ZNF813: variants seen among roughly 807,000 people sequenced by gnomAD.
ZNF813 encodes the protein zinc finger protein 813.
Under a neutral mutation model 7.2 loss-of-function variants are expected in ZNF813, and 3 were observed. The ratio of observed to expected loss-of-function variants is 0.42; its 90% confidence interval spans 0.19 to 1.08. The LOEUF (loss-of-function observed/expected upper bound fraction) is 1.08. Ranked by LOEUF, ZNF813 falls within the 50% of genes least tolerant of loss-of-function variation. The pLI, the probability that ZNF813 is intolerant of heterozygous loss-of-function variation, is 0.30. For missense variants in ZNF813, 714 were observed against 753.3 expected (o/e 0.95, Z 0.61); for synonymous variants, 227 against 256.3 (o/e 0.89, Z 1.09).
intron 1 of ZNF813, among the ~76,000 whole-genome samples, chr19:53,472,765 A>AC (rs1250241708): frequency 5.9e-5 from 9 of 151,986 alleles, no homozygotes; most frequent in Non-Finnish European, 1.2e-4. Flanking sequence ...GGCATGTACC[A>AC]CCATGCCTGG....
intron 2 of ZNF813, among the ~76,000 whole-genome samples, chr19:53,484,766 A>G (rs919436892): frequency 2.6e-5 from 4 of 152,302 alleles, no homozygotes; most frequent in African/African-American, 9.6e-5. Context: ...GGGTATCACC[A>G]TGTTGGCCAG....
rs747785625 is a variant in ZNF813, at chr19:53,486,625, A to G, written c.16-7A>G. 3.7e-5 allele frequency: 59 copies of G among 1,613,862 alleles called. No individual in the cohort carries two copies. The highest frequency in any genetic ancestry group is 6.7e-5 in the East Asian group (3 of 44,884). On this transcript the variant is annotated splice_polypyrimidine_tract_variant and splice_region_variant and intron_variant, in intron 2 of 3. Transcript: ENST00000396403. ...AACAATTTCCTTAAAATGTGTTTTC[A>G]TTTCAGGGTCTATTGACATTCAGGG...
chr19:53,485,404 A>G (rs531506457), intron 2 of ZNF813, among the ~76,000 whole-genome samples: 19 of 152,318 alleles, frequency 1.2e-4, no homozygotes, highest in Middle Eastern at 3.4e-3. Context: ...ACACACACAT[A>G]TACATCTCCA....
At chr19:53,468,480 C>CAT (rs1175490006) in intron 1 of ZNF813, among the ~76,000 whole-genome samples, 1 of 152,192 alleles carries the variant, frequency 6.6e-6, no homozygotes, top group African/African-American at 2.4e-5. Context: ...AGGACCGGCA[C>CAT]CAGTGCCAGC....
At chr19:53,477,303 A>T (rs777794561) in intron 1 of ZNF813, among the ~76,000 whole-genome samples, 11 of 152,154 alleles carry the variant, frequency 7.2e-5, no homozygotes, top group Non-Finnish European at 2.9e-5. Context: ...TTATGTTTAT[A>T]GAGCCTTTCT....
rs2086420665 is a variant in ZNF813, at chr19:53,483,821, G to T, written c.-2G>T. The T allele has an allele frequency of 6.2e-7, 1 of 1,613,712 alleles. No individual in the cohort carries two copies. The highest frequency in any genetic ancestry group is 8.5e-7 in the Non-Finnish European group (1 of 1,180,020). On this transcript the variant is annotated 5_prime_UTR_variant, in exon 2 of 4. Coordinates refer to ENST00000396403, the MANE Select transcript of ZNF813 (RefSeq NM_001004301.4). ...AGGAAGAGGAAAGCAAAGGAGTCAGGGATGGCTCTTCCTCAGGTGAGATGA... is the reference window on the plus strand; with the variant it reads ...AGGAAGAGGAAAGCAAAGGAGTCAGTGATGGCTCTTCCTCAGGTGAGATGA...
At chr19:53,483,421 CAA>C (rs560690384) in intron 1 of ZNF813, among the ~76,000 whole-genome samples, 144 of 152,154 alleles carry the variant, frequency 9.5e-4, no homozygotes, top group African/African-American at 3.4e-3. Flanking sequence ...AACCTGAGCT[CAA>C]GAGATCTACG....
At position 53,483,889 on chromosome 19, in the gene ZNF813, TG is replaced by T; in HGVS notation, c.15+55del. The T allele has an allele frequency of 4.3e-6, 7 of 1,613,818 alleles. 1 individual carries two copies. In the South Asian group the frequency reaches 5.5e-5, roughly 13 times the overall value. ...TCTGTCTCCTTCCCCTCAGAAATGC[TG>T]GGCCTTGGAGTTGGGAATCTTCTCT... is the stretch of plus-strand genomic sequence containing the variant. On this transcript the variant is annotated intron_variant, in intron 2 of 3. Transcript: ENST00000396403.
intron 1 of ZNF813, among the ~76,000 whole-genome samples, chr19:53,470,487 T>A (rs2086353537): frequency 7.4e-6 from 1 of 134,904 alleles, no homozygotes; most frequent in Non-Finnish European, 1.6e-5. Context: ...AGGCACAGGC[T>A]GATATTTATA....
At position 53,491,162 on chromosome 19, in the gene ZNF813, C is replaced by T. The variant is rs2086459085; in HGVS notation, c.930C>T (p.Phe310=). ...AAGAATGTGACAAAGCTTTCAGTTT[C>T]AAATCAAACCTTAAAAGACATAGGA... The part of the protein sequence containing the change: ...KCEECDKAFS[F]KSNLKRHRRI... The change falls in exon 4 of 4, where the codon TTC becomes TTT. Residue 310 remains phenylalanine, a synonymous_variant. Coordinates refer to ENST00000396403, the MANE Select transcript of ZNF813 (RefSeq NM_001004301.4). 1 of 1,612,132 alleles carries T rather than the reference C, an allele frequency of 6.2e-7. No homozygotes were observed. The highest frequency in any genetic ancestry group is 8.5e-7 in the Non-Finnish European group (1 of 1,179,576).
chr19:53,469,441 C>T (rs1371624326), intron 1 of ZNF813, among the ~76,000 whole-genome samples: 1 of 151,980 alleles, frequency 6.6e-6, no homozygotes, highest in African/African-American at 2.4e-5. Flanking sequence ...CTAAAGGGAT[C>T]AGGAGACACA....
intron 3 of ZNF813, among the ~76,000 whole-genome samples, chr19:53,487,178 G>C (rs2147161726): frequency 6.6e-6 from 1 of 152,074 alleles, no homozygotes; most frequent in South Asian, 2.1e-4. Flanking sequence ...TGAGTCTTCT[G>C]TAGAAAACAT....
rs2086461609 is a variant in ZNF813, at chr19:53,491,458, A to T, written c.1226A>T (p.Lys409Met). The change falls in exon 4 of 4, where the codon AAG becomes ATG. Residue 409 changes from lysine (K) to methionine (M), a missense_variant. This residue lies in a region of ZNF813 where 563 missense variants were observed against 554.2 expected (regional missense o/e 1.02). Transcript: ENST00000396403. The stretch of plus-strand genomic sequence containing the variant: ...CATCGTAGACTTCATACCGGAGAGA[A>T]GCCTTACAAGTGTAATGAATGTGGC... Reference protein sequence around the residue: ...KCHRRLHTGEKPYKCNECGKV... With the variant: ...KCHRRLHTGEMPYKCNECGKV... 6.2e-7 allele frequency: 1 copy of T among 1,614,038 alleles called. No individual in the cohort carries two copies. Among genetic ancestry groups the T allele is most frequent in the Admixed American group, 1.7e-5 (1 of 60,004 alleles).
Position 53,496,177 on chromosome 19 carries a change from A to G in ZNF813, c.*4091A>G, listed in dbSNP as rs1358987714. The G allele has an allele frequency of 1.1e-5, 2 of 182,286 alleles. No homozygotes were observed. The highest frequency in any genetic ancestry group is 2.4e-5 in the Non-Finnish European group (2 of 84,560). 11.3% of individuals were successfully genotyped at this position (182,286 alleles called of 1,614,324 possible). On this transcript the variant is annotated 3_prime_UTR_variant, in exon 4 of 4. Transcript: ENST00000396403. ...AATATGTTTTTTCTCTGAATCTGCT[A>G]TGAACACGTCAGTTGGGTGGGTTCA...
intron 1 of ZNF813, among the ~76,000 whole-genome samples, chr19:53,474,614 G>A (rs1175174097): frequency 1.3e-5 from 2 of 151,972 alleles, no homozygotes; most frequent in Admixed American, 6.6e-5. Flanking sequence ...ACTTGAACCC[G>A]GGAAGCAGAG....
At chr19:53,474,356 A>G (rs1187769741) in intron 1 of ZNF813, among the ~76,000 whole-genome samples, 2 of 152,204 alleles carry the variant, frequency 1.3e-5, no homozygotes, top group East Asian at 3.9e-4. Flanking sequence ...TTGTTTACAA[A>G]TGGCTCAAAT....
At position 53,494,959 on chromosome 19, in the gene ZNF813, G is replaced by T; in HGVS notation, c.*2873G>T. On this transcript the variant is annotated 3_prime_UTR_variant, in exon 4 of 4. Coordinates refer to ENST00000396403, the MANE Select transcript of ZNF813 (RefSeq NM_001004301.4). ...GGATAGCTCGAGCCTGGGAGGTTGA[G>T]GCTGCAGTGAGCTATGATCATGCCA... is the stretch of plus-strand genomic sequence containing the variant. 6.6e-6 allele frequency: 1 copy of T among 152,522 alleles called. No individual in the cohort carries two copies. The highest frequency in any genetic ancestry group is 2.1e-4 in the South Asian group (1 of 4,860). 9.4% of individuals were successfully genotyped at this position (152,522 alleles called of 1,614,324 possible).
At chr19:53,477,873 C>G (rs544208469) in intron 1 of ZNF813, among the ~76,000 whole-genome samples, 1 of 152,100 alleles carries the variant, frequency 6.6e-6, no homozygotes, top group African/African-American at 2.4e-5. Flanking sequence ...GGTGAGTTCA[C>G]TGGGTATGAT....
rs869250512 is a variant in ZNF813, at chr19:53,482,712, G to GTTTTTTTTTT, written c.-73-1020_-73-1011dup. On this transcript the variant is annotated intron_variant, in intron 1 of 3. Transcript: ENST00000396403. The stretch of plus-strand genomic sequence containing the variant: ...ATCAATCACATCAGGAATGCTTTTT[G>GTTTTTTTTTT]TTTTTTTTTTTTTTTTTTTTTTTTT... Among the ~76,000 whole-genome samples the GTTTTTTTTTT allele has an allele frequency of 2.9e-4, 26 of 89,084 alleles. 1 individual carries two copies. The highest frequency in any genetic ancestry group is 4.7e-4 in the African/African-American group (10 of 21,448). The allele number at this position is 89,084 out of a possible 152,430, so 58.4% of individuals were successfully genotyped here. A position where few individuals can be genotyped will look rare whatever the true frequency, so the allele number is the denominator to read the frequency against.
Sources: gnomAD v4.1 joint callset for allele counts (sites outside exome capture counted in the v4.1 genomes callset) on GRCh38, gnomAD v4.1.1 for gene constraint, gnomAD v4.1.1 regional missense constraint, MANE v1.5 for transcripts, NCBI Gene and HGNC (gene_info 2026-07-23, HGNC 2026-07-21) for gene names.